ADIPOR2: variants seen among roughly 807,000 people sequenced by gnomAD.
The protein encoded by ADIPOR2 is adiponectin receptor 2, also known as adiponectin receptor protein 2.
In ADIPOR2, 18 loss-of-function variants were observed where a neutral mutation model predicts 40.9. The ratio of observed to expected loss-of-function variants is 0.44; its 90% CI spans 0.30 to 0.65. The LOEUF (loss-of-function observed/expected upper bound fraction) is 0.65. Ranked by LOEUF, ADIPOR2 falls within the 30% of genes least tolerant of loss-of-function variation. The probability of loss-of-function intolerance (pLI) is 0.09; values close to 1 mark genes in which losing one functional copy is unlikely to be tolerated. For synonymous variants in ADIPOR2, 165 were observed against 166.4 expected (o/e 0.99, Z 0.06); for missense variants, 283 against 479.2 (o/e 0.59, Z 3.82).
intron 1 of ADIPOR2, among the ~76,000 whole-genome samples, chr12:1,738,955 AT>A (rs1435335302): frequency 6.6e-6 from 1 of 152,200 alleles, no homozygotes; most frequent in Admixed American, 6.5e-5. Flanking sequence ...AAAGAATAAC[AT>A]TTCTTGTGTG....
At chr12:1,776,401 T>C (rs1305258561) in intron 3 of ADIPOR2, among the ~76,000 whole-genome samples, 1 of 152,210 alleles carries the variant, frequency 6.6e-6, no homozygotes, top group Non-Finnish European at 1.5e-5. Context: ...TGTCTGAAGG[T>C]GAATCTTGCT....
intron 3 of ADIPOR2, 36 bp downstream of exon 3, chr12:1,772,997 T>C (rs1278358487): frequency 6.2e-7 from 1 of 1,601,048 alleles, no homozygotes; most frequent in African/African-American, 1.3e-5. Context: ...TCATGCTATA[T>C]ATTTAGCCCT....
At chr12:1,707,972 T>C (rs1239414694) in intron 1 of ADIPOR2, among the ~76,000 whole-genome samples, 14 of 152,180 alleles carry the variant, frequency 9.2e-5, no homozygotes, top group Admixed American at 8.5e-4. Context: ...GAATATACAG[T>C]CAGCGCTCCT....
At chr12:1,753,199 A>G (rs561435444) in intron 1 of ADIPOR2, among the ~76,000 whole-genome samples, 3 of 152,266 alleles carry the variant, frequency 2.0e-5, no homozygotes, top group Admixed American at 6.5e-5. Context: ...ACCTCATGGA[A>G]TTTATTAGCT....
At chr12:1,776,694 AC>A (rs1322686204) in intron 3 of ADIPOR2, among the ~76,000 whole-genome samples, 3 of 152,132 alleles carry the variant, frequency 2.0e-5, no homozygotes, top group African/African-American at 7.2e-5. Flanking sequence ...CCATGAGGAA[AC>A]GGGAGGAAAG....
chr12:1,699,791 C>G (rs2154441317), intron 1 of ADIPOR2, among the ~76,000 whole-genome samples: 1 of 152,288 alleles, frequency 6.6e-6, no homozygotes, highest in East Asian at 1.9e-4. Context: ...TTTATAAGTA[C>G]ATTTGGTATT....
In ADIPOR2 at chr12:1,754,386, C is replaced by G; in HGVS notation, c.43C>G (p.Pro15Ala). Residue 15 changes from proline to alanine, a missense_variant, in exon 2 of 8, where the codon CCA becomes GCA. This residue lies in a region of ADIPOR2 where 65 missense variants were observed against 79.9 expected (regional missense o/e 0.81). Coordinates refer to ENST00000357103, the MANE Select transcript of ADIPOR2 (RefSeq NM_024551.3). The part of the protein sequence containing the change: ...TENRLGCSRT[P>A]EPDIRLRKGH... ...AAACCGATTGGGGTGCAGCAGGACT[C>G]CAGAGCCAGATATAAGGCTCAGAAA... 6 of 1,612,636 alleles carry G rather than the reference C, an allele frequency of 3.7e-6. No homozygotes were observed. The highest frequency in any genetic ancestry group is 4.2e-6 in the Non-Finnish European group (5 of 1,179,372).
At chr12:1,707,228 T>C (rs1008453527) in intron 1 of ADIPOR2, among the ~76,000 whole-genome samples, 8 of 152,154 alleles carry the variant, frequency 5.3e-5, no homozygotes, top group African/African-American at 1.9e-4. Context: ...CAATGAACAT[T>C]GATGTACAAG....
chr12:1,786,240 A>G lies in ADIPOR2; in HGVS notation c.*168A>G. On this transcript the variant is annotated 3_prime_UTR_variant, in exon 8 of 8. Transcript: ENST00000357103. ...CGTGGTACATGACTGAGAAGAGAAAAACAAAAATAAATCATACCTCAAAGG... is the reference window on the plus strand; with the variant it reads ...CGTGGTACATGACTGAGAAGAGAAAGACAAAAATAAATCATACCTCAAAGG... The G allele has an allele frequency of 1.3e-6, 1 of 777,852 alleles. No individual in the cohort carries two copies. The highest frequency in any genetic ancestry group is 1.9e-6 in the Non-Finnish European group (1 of 515,184). 48.2% of individuals were successfully genotyped at this position (777,852 alleles called of 1,614,324 possible).
At chr12:1,750,571 A>C (rs564756383) in intron 1 of ADIPOR2, among the ~76,000 whole-genome samples, 1 of 152,296 alleles carries the variant, frequency 6.6e-6, no homozygotes, top group African/African-American at 2.4e-5. Context: ...CTGTGTCTCT[A>C]GAAAGAAAAG....
At chr12:1,730,327 A>G (rs10848561) in intron 1 of ADIPOR2, among the ~76,000 whole-genome samples, 73,220 of 151,124 alleles carry the variant, frequency 0.48, 18,036 homozygotes, top group Non-Finnish European at 0.55. Context: ...TATTTGAAAC[A>G]GTTGTTCAGG....
rs149955927 is a variant in ADIPOR2 at position 1,725,979 on chromosome 12, G to C, written c.-86-28279G>C. On this transcript the variant is annotated intron_variant, in intron 1 of 7. Transcript: ENST00000357103. ...ATTCAGCAGTGAACAAAACATAAATGCTTGCCCTTATGGAACCTACAATCT... is the reference window on the plus strand; with the variant it reads ...ATTCAGCAGTGAACAAAACATAAATCCTTGCCCTTATGGAACCTACAATCT... Among the ~76,000 whole-genome samples, 649 of 152,162 alleles carry C rather than the reference G, an allele frequency of 4.3e-3. 7 individuals carry two copies. Among genetic ancestry groups the C allele is most frequent in the African/African-American group, 0.015 (628 of 41,512 alleles).
intron 2 of ADIPOR2, among the ~76,000 whole-genome samples, chr12:1,763,037 A>G (rs1862303075): frequency 6.6e-6 from 1 of 152,256 alleles, no homozygotes; most frequent in South Asian, 2.1e-4. Context: ...CTCAAGTAAC[A>G]TTAAATAAAA....
chr12:1,700,610 A>G (rs2094648185), intron 1 of ADIPOR2, among the ~76,000 whole-genome samples: 1 of 152,184 alleles, frequency 6.6e-6, no homozygotes, highest in South Asian at 2.1e-4. Context: ...AAGAATAAAA[A>G]TTGGGTTTGA....
At chr12:1,775,079 G>T (rs12812707) in intron 3 of ADIPOR2, among the ~76,000 whole-genome samples, 46,693 of 150,276 alleles carry the variant, frequency 0.31, 8,009 homozygotes, top group East Asian at 0.49. Context: ...CTCGTGATCT[G>T]CCCGCCTCGG....
chr12:1,717,429 G>A (rs960166599), intron 1 of ADIPOR2, among the ~76,000 whole-genome samples: 44 of 152,180 alleles, frequency 2.9e-4, no homozygotes, highest in Admixed American at 2.2e-3. Flanking sequence ...CTGAGCCACC[G>A]GGCACGGAGG....
intron 1 of ADIPOR2, among the ~76,000 whole-genome samples, chr12:1,703,140 G>A (rs1469250680): frequency 3.3e-5 from 5 of 152,188 alleles, no homozygotes; most frequent in Non-Finnish European, 5.9e-5. Context: ...TATATTATAT[G>A]TATCCAGACT....
chr12:1,773,416 A>T (rs990479259), intron 3 of ADIPOR2, among the ~76,000 whole-genome samples: 2 of 151,938 alleles, frequency 1.3e-5, no homozygotes, highest in African/African-American at 4.8e-5. Flanking sequence ...TCCAGTTTCC[A>T]TGTACATCTG....
At position 1,754,469 on chromosome 12, in the gene ADIPOR2, G is replaced by A; in HGVS notation, c.126G>A (p.Leu42=). ...RGDNDSHQGD[L]EPILEASVLS... is the part of the protein sequence containing the mutation. ...ATAATGACAGCCACCAAGGAGATTT[G>A]GAGCCCATTTTAGAGGCATCTGTTC... is the stretch of plus-strand genomic sequence containing the variant. The change falls in exon 2 of 8, where the codon TTG becomes TTA. Residue 42 remains leucine (L), a synonymous_variant. Coordinates refer to ENST00000357103, the MANE Select transcript of ADIPOR2 (RefSeq NM_024551.3). 6.2e-7 allele frequency: 1 copy of A among 1,613,146 alleles called. No individual in the cohort carries two copies. The highest frequency in any genetic ancestry group is 1.1e-5 in the South Asian group (1 of 90,868).
Sources: gnomAD v4.1 joint callset for allele counts (sites outside exome capture counted in the v4.1 genomes callset) on GRCh38, gnomAD v4.1.1 for gene constraint, gnomAD v4.1.1 regional missense constraint, MANE v1.5 for transcripts, NCBI Gene and HGNC (gene_info 2026-07-23, HGNC 2026-07-21) for gene names.